FMN2: variants seen among roughly 807,000 people sequenced by gnomAD.
FMN2 encodes the protein formin 2.
Under a neutral mutation model 142.3 loss-of-function variants are expected in FMN2, and 51 were observed. The ratio of observed to expected loss-of-function variants is 0.36; its 90% CI spans 0.29 to 0.45. The LOEUF (loss-of-function observed/expected upper bound fraction) is 0.45, where lower values mean the gene tolerates loss of function less well. FMN2 is among the 20% of genes least tolerant of loss of function. The probability of loss-of-function intolerance (pLI) is 1.00; values close to 1 mark genes in which losing one functional copy is unlikely to be tolerated. For synonymous variants in FMN2, 882 were observed against 869.8 expected (o/e 1.01, Z -0.25); for missense variants, 1,936 against 2,122.8 (o/e 0.91, Z 1.73).
At chr1:240,328,918 A>C (rs1197421166) in intron 8 of FMN2, among the ~76,000 whole-genome samples, 158 bp from the exon 9 acceptor site, 4 of 152,188 alleles carry the variant, frequency 2.6e-5, no homozygotes, top group Admixed American at 6.5e-5. Flanking sequence ...TGCCTCATGA[A>C]TTAAGTCAAG....
intron 10 of FMN2, 119 bp from the exon 11 acceptor site, chr1:240,330,484 A>G: frequency 1.0e-6 from 1 of 1,002,218 alleles, no homozygotes; most frequent in Non-Finnish European, 1.4e-6. Flanking sequence ...TAGGAATGAT[A>G]AAGTTCGGTT....
chr1:240,288,086 G>A (rs969684814), intron 7 of FMN2, among the ~76,000 whole-genome samples: 1 of 152,176 alleles, frequency 6.6e-6, no homozygotes, highest in African/African-American at 2.4e-5. Context: ...TGATTTTCAG[G>A]AATTGCTAAC....
At chr1:240,170,669 A>G (rs1664663443) in intron 2 of FMN2, 1 of 1,572,198 alleles carries the variant, frequency 6.4e-7, no homozygotes, top group African/African-American at 1.4e-5. Flanking sequence ...GCACCTTTGG[A>G]TAAAGTCTGC....
intron 13 of FMN2, among the ~76,000 whole-genome samples, chr1:240,340,231 A>G (rs927837294): frequency 5.3e-5 from 8 of 152,148 alleles, no homozygotes; most frequent in African/African-American, 9.7e-5. Context: ...GTTGCATCTT[A>G]TATTCCTCCC....
intron 2 of FMN2, among the ~76,000 whole-genome samples, chr1:240,137,503 C>G (rs1472234386): frequency 6.6e-6 from 1 of 152,200 alleles, no homozygotes; most frequent in African/African-American, 2.4e-5. Context: ...AGCCCCTGCT[C>G]TATACTCATG....
chr1:240,468,204 A>ATGTGTG (rs1379393586), intron 16 of FMN2, among the ~76,000 whole-genome samples: 1 of 90,504 alleles, frequency 1.1e-5, no homozygotes, highest in African/African-American at 7.5e-5. Context: ...AAATATATAT[A>ATGTGTG]TATGTGTGTG....
rs143591952 is a variant in FMN2, at chr1:240,329,342, C to T, written c.4311C>T (p.Phe1437=). ...NAKSLDKPEQ[F]LYELSLIPNF... is the part of the protein sequence containing the mutation. ...TAACTTGGCTTTATTTCCTTAGGTT[C>T]CTTTATGAACTGTCACTAATCCCCA... is the stretch of plus-strand genomic sequence containing the variant. Residue 1437 remains phenylalanine (F), a synonymous_variant, in exon 10 of 18, where the codon TTC becomes TTT. Coordinates refer to ENST00000319653, the MANE Select transcript of FMN2 (RefSeq NM_020066.5). The T allele has an allele frequency of 3.8e-5, 61 of 1,609,610 alleles. No homozygotes were observed. In the African/African-American group the frequency reaches 7.4e-4, roughly 19 times the overall value.
chr1:240,416,142 T>C (rs1052614897), intron 15 of FMN2, among the ~76,000 whole-genome samples: 3 of 152,124 alleles, frequency 2.0e-5, no homozygotes, highest in African/African-American at 7.2e-5. Context: ...TCTGGATACT[T>C]CTCTCTCCTG....
rs146112878 is a variant in FMN2, at chr1:240,283,671, C to T, written c.4154-11151C>T. Among the ~76,000 whole-genome samples the T allele has an allele frequency of 1.4e-3, 212 of 152,280 alleles. 1 individual carries two copies. The highest frequency in any genetic ancestry group is 5.0e-3 in the African/African-American group (209 of 41,576). ...TCTTCTTGGAGCGACCAACCACATA[C>T]TTTTATACAATAGAGGGAGTAGCTG... is the stretch of plus-strand genomic sequence containing the variant. On this transcript the variant is annotated intron_variant, in intron 7 of 17. Coordinates refer to ENST00000319653, the MANE Select transcript of FMN2 (RefSeq NM_020066.5).
chr1:240,300,477 C>T (rs1670158174), intron 8 of FMN2, among the ~76,000 whole-genome samples: 1 of 152,130 alleles, frequency 6.6e-6, no homozygotes, highest in Admixed American at 6.5e-5. Flanking sequence ...ACTGTTTTCT[C>T]TTTGTCTAAA....
At chr1:240,123,693 C>G (rs1662386909) in intron 2 of FMN2, among the ~76,000 whole-genome samples, 1 of 152,132 alleles carries the variant, frequency 6.6e-6, no homozygotes, top group African/African-American at 2.4e-5. Context: ...ACCTCTGTAA[C>G]CATTTTTAAA....
intron 2 of FMN2, among the ~76,000 whole-genome samples, chr1:240,155,132 C>A (rs1264474927): frequency 6.6e-6 from 1 of 152,060 alleles, no homozygotes; most frequent in African/African-American, 2.4e-5. Context: ...CTCAAGCAAT[C>A]CACCCACCTT....
At chr1:240,096,257 G>T (rs1272030236) in intron 1 of FMN2, among the ~76,000 whole-genome samples, 2 of 152,206 alleles carry the variant, frequency 1.3e-5, no homozygotes, top group East Asian at 3.9e-4. Flanking sequence ...TATAAAAAAT[G>T]TGATCAGATT....
chr1:240,420,824 C>T (rs770667009), intron 15 of FMN2, among the ~76,000 whole-genome samples: 3 of 152,164 alleles, frequency 2.0e-5, no homozygotes, highest in Non-Finnish European at 4.4e-5. Flanking sequence ...ATCTCAGTCC[C>T]GGTTCTCGCA....
At chr1:240,191,344 T>C (rs1372820591) in intron 4 of FMN2, among the ~76,000 whole-genome samples, 4 of 152,228 alleles carry the variant, frequency 2.6e-5, no homozygotes, top group South Asian at 2.1e-4. Context: ...GCTGTGGTGT[T>C]GCCAGAGAGT....
At chr1:240,152,384 T>C (rs138733997) in intron 2 of FMN2, among the ~76,000 whole-genome samples, 23 of 152,282 alleles carry the variant, frequency 1.5e-4, no homozygotes, top group African/African-American at 5.1e-4. Context: ...TATAAGGCTA[T>C]AGTTTTTGAA....
At chr1:240,340,809 G>T (rs1395243863) in intron 13 of FMN2, among the ~76,000 whole-genome samples, 3 of 151,952 alleles carry the variant, frequency 2.0e-5, no homozygotes, top group Non-Finnish European at 4.4e-5. Context: ...GATAAGTATG[G>T]TATGAATATA....
At chr1:240,400,286 T>C (rs1435238451) in intron 15 of FMN2, among the ~76,000 whole-genome samples, 1 of 152,020 alleles carries the variant, frequency 6.6e-6, no homozygotes, top group Non-Finnish European at 1.5e-5. Context: ...TGTGTAGGGA[T>C]CCATGAATAT....
chr1:240,249,279 G>A lies in FMN2; in HGVS notation c.4066-8666G>A, dbSNP rs1287441659. On this transcript the variant is annotated intron_variant, in intron 6 of 17. Coordinates refer to ENST00000319653, the MANE Select transcript of FMN2 (RefSeq NM_020066.5). Reference sequence around the variant, plus strand: ...CCGTCTTGCACTGATTTTGTATATGGTGAGAGATAAGGGTCAAGTTTCATT... The same window carrying A: ...CCGTCTTGCACTGATTTTGTATATGATGAGAGATAAGGGTCAAGTTTCATT... 2.0e-5 allele frequency among the ~76,000 whole-genome samples: 3 copies of A among 152,018 alleles called. 1 individual carries two copies. The highest frequency in any genetic ancestry group is 7.2e-5 in the African/African-American group (3 of 41,400).
Sources: allele counts gnomAD v4.1 joint callset (sites outside exome capture counted in the v4.1 genomes callset), GRCh38; gene constraint gnomAD v4.1.1; transcripts MANE v1.5; gene names NCBI Gene and HGNC (gene_info 2026-07-23, HGNC 2026-07-21).